KIF16B: variants seen among roughly 807,000 people sequenced by gnomAD.
The protein encoded by KIF16B is kinesin-like protein KIF16B.
KIF16B carries 98 observed loss-of-function variants against 156.3 expected under a neutral mutation model. The observed-to-expected ratio is 0.63, with a 90% CI of 0.53 to 0.74. The LOEUF (loss-of-function observed/expected upper bound fraction) is 0.74, where lower values mean the gene tolerates loss of function less well. KIF16B is among the 30% of genes least tolerant of loss of function. KIF16B has a pLI of 0.00. For missense variants in KIF16B, 1,421 were observed against 1,606.5 expected, an observed-to-expected ratio of 0.88 and a Z score of 1.97; for synonymous variants, 564 against 583.7, an observed-to-expected ratio of 0.97 and a Z score of 0.49.
Position 16,515,288 on chromosome 20 carries a change from G to A in KIF16B, c.348+260C>T, listed in dbSNP as rs1172447511. 2.0e-5 allele frequency among the ~76,000 whole-genome samples: 3 copies of A among 152,084 alleles called. No individual in the cohort carries two copies. In the East Asian group the frequency reaches 5.8e-4, roughly 29 times the overall value. ...ACTTACGGGCCCAACACACTTTTTT[G>A]ATAAGATTATAAGGCCTTTAAAAAC... is the stretch of plus-strand genomic sequence containing the variant. On this transcript the variant is annotated intron_variant, in intron 4 of 25. Coordinates refer to ENST00000354981, the MANE Select transcript of KIF16B (RefSeq NM_024704.5).
In KIF16B at chr20:16,434,333, A is replaced by G. The variant is rs1055331183; in HGVS notation, c.1303-4351T>C. Among the ~76,000 whole-genome samples the G allele has an allele frequency of 3.3e-5, 5 of 152,202 alleles. No homozygotes were observed. In the East Asian group the frequency reaches 7.7e-4, roughly 23 times the overall value. ...AGAAGACCACAGGAGGACTCGGCTC[A>G]ATGCGCAAGGCCCGTGTAACCACCG... is the stretch of plus-strand genomic sequence containing the variant. On this transcript the variant is annotated intron_variant, in intron 12 of 25. Coordinates refer to ENST00000354981, the MANE Select transcript of KIF16B (RefSeq NM_024704.5).
Position 16,379,401 on chromosome 20 carries a change from T to C in KIF16B, c.2601A>G (p.Glu867=). ...EQEILECLKC[E]HDKESRLLEK... Reference sequence around the variant, plus strand: ...CCAACAATCTAGATTCTTTGTCATGTTCACATTTTAAACACTCTAGGATCT... The same window carrying C: ...CCAACAATCTAGATTCTTTGTCATGCTCACATTTTAAACACTCTAGGATCT... Residue 867 remains glutamate (E), a synonymous_variant, in exon 19 of 26, where the codon GAA becomes GAG. Transcript: ENST00000354981. 1 of 1,607,532 alleles carries C rather than the reference T, an allele frequency of 6.2e-7. No individual in the cohort carries two copies. The highest frequency in any genetic ancestry group is 8.5e-7 in the Non-Finnish European group (1 of 1,177,188).
At chr20:16,345,634 T>C (rs149944870) in intron 23 of KIF16B, among the ~76,000 whole-genome samples, 137 of 152,256 alleles carry the variant, frequency 9.0e-4, no homozygotes, top group African/African-American at 3.3e-3. Context: ...TTAGGGTAGG[T>C]AGGTATGAGG....
At chr20:16,304,427 C>G (rs1270046059) in intron 25 of KIF16B, among the ~76,000 whole-genome samples, 1 of 152,184 alleles carries the variant, frequency 6.6e-6, no homozygotes, top group Non-Finnish European at 1.5e-5. Context: ...GGAAAAGCCC[C>G]CACACTCCAG....
chr20:16,498,406 TC>T (rs2068516295), intron 10 of KIF16B, among the ~76,000 whole-genome samples: 1 of 152,082 alleles, frequency 6.6e-6, no homozygotes, highest in South Asian at 2.1e-4. Flanking sequence ...AGAATATCCC[TC>T]CTATCCTACC....
chr20:16,385,702 G>A (rs1468638362), intron 17 of KIF16B, among the ~76,000 whole-genome samples: 1 of 152,164 alleles, frequency 6.6e-6, no homozygotes, highest in Non-Finnish European at 1.5e-5. Context: ...GGAAGGAGGG[G>A]CCTGGGGAGT....
chr20:16,467,332 T>G (rs2067520630), intron 12 of KIF16B, among the ~76,000 whole-genome samples: 1 of 152,148 alleles, frequency 6.6e-6, no homozygotes, highest in African/African-American at 2.4e-5. Flanking sequence ...ACTAAAGGCC[T>G]GTTTACCACA....
intron 22 of KIF16B, among the ~76,000 whole-genome samples, chr20:16,363,279 T>C (rs1230057290): frequency 6.6e-6 from 1 of 152,078 alleles, no homozygotes; most frequent in Non-Finnish European, 1.5e-5. Flanking sequence ...CAGCTCCCAA[T>C]GAAAAAACTG....
chr20:16,351,741 T>A (rs1220915569), intron 23 of KIF16B, among the ~76,000 whole-genome samples: 1 of 152,112 alleles, frequency 6.6e-6, no homozygotes, highest in Non-Finnish European at 1.5e-5. Context: ...CGCAGGAAGG[T>A]ACAGCTTCAA....
At chr20:16,362,211 T>A (rs965393707) in intron 22 of KIF16B, among the ~76,000 whole-genome samples, 4 of 152,318 alleles carry the variant, frequency 2.6e-5, no homozygotes, top group African/African-American at 9.6e-5. Context: ...GAGCCCTGGC[T>A]TTGGGTCAAA....
At chr20:16,372,044 C>T (rs920604242) in intron 20 of KIF16B, among the ~76,000 whole-genome samples, 5 of 152,102 alleles carry the variant, frequency 3.3e-5, no homozygotes, top group Admixed American at 6.6e-5. Flanking sequence ...GTGGAATGCC[C>T]GCTGCAGGAT....
intron 12 of KIF16B, among the ~76,000 whole-genome samples, chr20:16,433,333 G>A (rs1404427502): frequency 6.6e-6 from 1 of 151,952 alleles, no homozygotes; most frequent in African/African-American, 2.4e-5. Context: ...TTTTCTTTCT[G>A]TACAGAAGTA....
At chr20:16,339,226 G>C (rs1347780841) in intron 23 of KIF16B, among the ~76,000 whole-genome samples, 2 of 152,074 alleles carry the variant, frequency 1.3e-5, no homozygotes, top group African/African-American at 4.8e-5. Context: ...TAAATCCACT[G>C]GTCAATTTTT....
chr20:16,444,394 G>A (rs1364159683), intron 12 of KIF16B, among the ~76,000 whole-genome samples: 1 of 152,018 alleles, frequency 6.6e-6, no homozygotes, highest in Non-Finnish European at 1.5e-5. Context: ...ATCAAAAGAA[G>A]AATATTACTT....
chr20:16,416,976 A>C (rs1476319996), intron 15 of KIF16B, among the ~76,000 whole-genome samples: 3 of 152,116 alleles, frequency 2.0e-5, no homozygotes, highest in Non-Finnish European at 4.4e-5. Context: ...CTTTCCCATC[A>C]GAGGAGCTGT....
intron 4 of KIF16B, 120 bp from the exon 5 acceptor site, chr20:16,513,043 C>T: frequency 1.5e-6 from 1 of 676,494 alleles, no homozygotes; most frequent in Non-Finnish European, 2.6e-6. Flanking sequence ...CCCTGGCCTA[C>T]CACAGCCCAC....
chr20:16,532,738 C>A (rs2069805959), intron 1 of KIF16B, among the ~76,000 whole-genome samples: 1 of 152,118 alleles, frequency 6.6e-6, no homozygotes, highest in South Asian at 2.1e-4. Flanking sequence ...TCAACAAATA[C>A]CTCTCAGGAA....
At chr20:16,386,755 A>G (rs764742592) in intron 17 of KIF16B, among the ~76,000 whole-genome samples, 5 of 152,086 alleles carry the variant, frequency 3.3e-5, no homozygotes, top group Non-Finnish European at 5.9e-5. Context: ...GGGTTCAGGC[A>G]TGGGTGCAGC....
chr20:16,352,561 G>A lies in KIF16B; in HGVS notation c.3621+3769C>T, dbSNP rs184134895. Among the ~76,000 whole-genome samples the A allele has an allele frequency of 5.5e-4, 83 of 152,266 alleles. No individual in the cohort carries two copies. In the East Asian group the frequency reaches 7.7e-3, roughly 14 times the overall value. On this transcript the variant is annotated intron_variant, in intron 23 of 25. Coordinates refer to ENST00000354981, the MANE Select transcript of KIF16B (RefSeq NM_024704.5). ...CCCTTGAAATCACACGCCCTGTGTC[G>A]TCCCTGGAACATTCCCTTAACAGGC...
Sources: allele counts gnomAD v4.1 joint callset (sites outside exome capture counted in the v4.1 genomes callset), GRCh38; gene constraint gnomAD v4.1.1; transcripts MANE v1.5; gene names NCBI Gene and HGNC (gene_info 2026-07-23, HGNC 2026-07-21).